Variants in FEZF2 observed in about 807,000 individuals in gnomAD.
FEZF2 encodes FEZ family zinc finger 2, also known as fez family zinc finger protein 2.
A neutral mutation model predicts 32.8 loss-of-function variants in FEZF2; 2 were observed. The ratio of observed to expected loss-of-function variants is 0.06; its 90% CI spans 0.02 to 0.19. The LOEUF is 0.19. Ranked by LOEUF, FEZF2 falls within the 10% of genes least tolerant of loss-of-function variation. FEZF2 has a pLI of 1.00. For synonymous variants in FEZF2, 322 were observed against 284.8 expected (o/e 1.13, Z -1.32); for missense variants, 516 against 625.4 (o/e 0.83, Z 1.87).
At position 62,369,830 on chromosome 3, in the gene FEZF2, C is replaced by T. The variant is rs969980269; in HGVS notation, c.*253G>A. ...TTAAAACTGGCTGCCCCAGGAGAAG[C>T]GGAGGCCTGGAATTAAATACGTTTC... On this transcript the variant is annotated 3_prime_UTR_variant, in exon 5 of 5. Coordinates refer to ENST00000283268, the MANE Select transcript of FEZF2 (RefSeq NM_018008.4). This position sits in a 1 kb window ranked among gnomAD's most constrained non-coding sequence, Gnocchi z 4.2. The T allele has an allele frequency of 8.9e-6, 4 of 451,276 alleles. No individual in the cohort carries two copies. In the South Asian group the frequency reaches 9.4e-5, roughly 11 times the overall value. The allele number at this position is 451,276 out of a possible 1,614,324, so 28.0% of individuals were successfully genotyped here.
chr3:62,371,778 G>A, intron 2 of FEZF2, 111 bp from the exon 3 acceptor site: 2 of 1,489,370 alleles, frequency 1.3e-6, no homozygotes, highest in Non-Finnish European at 1.8e-6. Flanking sequence ...AGAAACCAGA[G>A]CCTTTTTCAG....
rs976842135 is a variant in FEZF2 at position 62,372,094 on chromosome 3, C to T, written c.775G>A (p.Val259Ile). Residue 259 changes from valine to isoleucine, a missense_variant, in exon 2 of 5, where the codon GTC becomes ATC. This residue lies in a region of FEZF2 where 408 missense variants were observed against 382.2 expected (regional missense o/e 1.07). Coordinates refer to ENST00000283268, the MANE Select transcript of FEZF2 (RefSeq NM_018008.4). The surrounding 1 kb of genome is among the most constrained non-coding windows in gnomAD (Gnocchi z 9.6). ...CCTGGCAGCTTGCTGTGGCCCTTGA[C>T]GCCTCCGCGCTCGGCAGTCAGGGCC... ...NSALTAERGG[V>I]KGHSKLPGGS... The T allele has an allele frequency of 1.9e-6, 3 of 1,606,688 alleles. No homozygotes were observed. Among genetic ancestry groups the T allele is most frequent in the Non-Finnish European group, 8.5e-7 (1 of 1,177,332 alleles).
At position 62,372,637 on chromosome 3, in the gene FEZF2, G is replaced by C. The variant is rs1339457317; in HGVS notation, c.232C>G (p.Pro78Ala). 6.3e-7 allele frequency: 1 copy of C among 1,587,590 alleles called. No individual in the cohort carries two copies. The highest frequency in any genetic ancestry group is 1.7e-5 in the Admixed American group (1 of 57,698). The change falls in exon 2 of 5, where the codon CCC becomes GCC. Residue 78 changes from proline to alanine, a missense_variant. Pro to Ala is a conservative substitution (Grantham distance 27). This residue lies in a region of FEZF2 where 408 missense variants were observed against 382.2 expected (regional missense o/e 1.07). Transcript: ENST00000283268. This position sits in a 1 kb window ranked among gnomAD's most constrained non-coding sequence, Gnocchi z 9.6. ...TTTGACGGCACCTCGTAGCCTAGGGGCTGGAGGGGGATCATACAGGGCAGC... is the reference window on the plus strand; with the variant it reads ...TTTGACGGCACCTCGTAGCCTAGGGCCTGGAGGGGGATCATACAGGGCAGC... ...SPLPCMIPLQ[P>A]LGYEVPSKTL...
chr3:62,371,993 C>T, intron 2 of FEZF2, 24 bp downstream of exon 2: 3 of 1,595,244 alleles, frequency 1.9e-6, no homozygotes, highest in East Asian at 2.2e-5. Context: ...CTCCCGGCCC[C>T]CCTCGCCGAA....
At position 62,372,568 on chromosome 3, in the gene FEZF2, C is replaced by T. The variant is rs755435013; in HGVS notation, c.301G>A (p.Ala101Thr). 4 of 1,392,402 alleles carry T rather than the reference C, an allele frequency of 2.9e-6. No homozygotes were observed. The South Asian group carries it at 9.0e-5, about 31-fold the overall frequency. The allele number at this position is 1,392,402 out of a possible 1,614,324, so 86.3% of individuals were successfully genotyped here. A position where few individuals can be genotyped will look rare whatever the true frequency, so the allele number is the denominator to read the frequency against. ...YSELWKSSLR[A>T]GGGGGGGGGG... The stretch of plus-strand genomic sequence containing the variant: ...CCGCCGCCGCCTCCGCCGCCGCCCG[C>T]CCGGAGGCTGCTTTTCCAGAGCTCC... Residue 101 changes from alanine (A) to threonine (T), a missense_variant, in exon 2 of 5, where the codon GCG (alanine) becomes ACG (threonine). By Grantham distance (58) the Ala-to-Thr change is moderately conservative (BLOSUM62 0). Transcript: ENST00000283268. The surrounding 1 kb of genome is among the most constrained non-coding windows in gnomAD (Gnocchi z 9.6).
rs368783661 is a variant in FEZF2 at position 62,372,332 on chromosome 3, C to A, written c.537G>T (p.Ala179=). Residue 179 remains alanine, a synonymous_variant, in exon 2 of 5, where the codon GCG becomes GCT. Transcript: ENST00000283268. This position sits in a 1 kb window ranked among gnomAD's most constrained non-coding sequence, Gnocchi z 9.6. ...LYYFNYLDST[A]YPPSELLSGH... ...CGCTGAGGAGCTCAGACGGCGGGTA[C>A]GCGGTCGAGTCCAGGTAGTTGAAGT... The A allele has an allele frequency of 6.3e-5, 101 of 1,609,892 alleles. No homozygotes were observed. Among genetic ancestry groups the A allele is most frequent in the Non-Finnish European group, 8.0e-5 (94 of 1,179,432 alleles).
In FEZF2 at chr3:62,370,536, G is replaced by C. The variant is rs953303146; in HGVS notation, c.1121-194C>G. Among the ~76,000 whole-genome samples the C allele has an allele frequency of 2.0e-5, 3 of 152,196 alleles. No homozygotes were observed. The highest frequency in any genetic ancestry group is 4.4e-5 in the Non-Finnish European group (3 of 68,038). On this transcript the variant is annotated intron_variant, in intron 4 of 4. Coordinates refer to ENST00000283268, the MANE Select transcript of FEZF2 (RefSeq NM_018008.4). This position sits in a 1 kb window ranked among gnomAD's most constrained non-coding sequence, Gnocchi z 4.2. ...CCGGGTGCTCTCCCGACAAGACCGA[G>C]ACTGAGTCCCGCGGAGCCGCTCTGC...
Position 62,369,938 on chromosome 3 carries a change from G to T in FEZF2, c.*145C>A. On this transcript the variant is annotated 3_prime_UTR_variant, in exon 5 of 5. Transcript: ENST00000283268. This position sits in a 1 kb window ranked among gnomAD's most constrained non-coding sequence, Gnocchi z 4.2. ...CTGCCAGTCATCGAGGAAACATTTA[G>T]CTTTCCAAAAATATGCTGGTTTCGA... 9.5e-7 allele frequency: 1 copy of T among 1,058,086 alleles called. No individual in the cohort carries two copies. The highest frequency in any genetic ancestry group is 1.3e-6 in the Non-Finnish European group (1 of 765,220). 65.5% of individuals were successfully genotyped at this position (1,058,086 alleles called of 1,614,324 possible). A position where few individuals can be genotyped will look rare whatever the true frequency, so the allele number is the denominator to read the frequency against.
Position 62,369,906 on chromosome 3 carries a change from G to A in FEZF2, c.*177C>T, listed in dbSNP as rs557247228. ...CTGAATATACAAAGGTGGGGGCCAC[G>A]AGTTTGCTGCCAGTCATCGAGGAAA... On this transcript the variant is annotated 3_prime_UTR_variant, in exon 5 of 5. Transcript: ENST00000283268. The surrounding 1 kb of genome is among the most constrained non-coding windows in gnomAD (Gnocchi z 4.2). The A allele has an allele frequency of 1.8e-5, 13 of 712,090 alleles. No homozygotes were observed. The highest frequency in any genetic ancestry group is 2.3e-5 in the South Asian group (1 of 42,562). The allele number at this position is 712,090 out of a possible 1,614,324, so 44.1% of individuals were successfully genotyped here.
chr3:62,373,241 C>A lies in FEZF2; in HGVS notation c.-59+38G>T. 1 of 221,682 alleles carries A rather than the reference C, an allele frequency of 4.5e-6. No homozygotes were observed. Among genetic ancestry groups the A allele is most frequent in the Non-Finnish European group, 8.8e-6 (1 of 113,602 alleles). 13.7% of individuals were successfully genotyped at this position (221,682 alleles called of 1,614,324 possible). ...TGCTGGGAGCTGGACAGTGAAGGGG[C>A]AAAGTTAAAGAGGACCGGAGAGCCA... On this transcript the variant is annotated intron_variant, in intron 1 of 4. Transcript: ENST00000283268. This position sits in a 1 kb window ranked among gnomAD's most constrained non-coding sequence, Gnocchi z 5.5.
chr3:62,371,706 C>A (rs769355855), intron 2 of FEZF2, 39 bp from the exon 3 acceptor site: 2 of 1,582,080 alleles, frequency 1.3e-6, no homozygotes, highest in Middle Eastern at 1.7e-4. Context: ...TGCGTCTGTC[C>A]GAGGGCCTAC....
chr3:62,371,593 G>T lies in FEZF2; in HGVS notation c.927C>A (p.Val309=). Residue 309 remains valine, a synonymous_variant, in exon 3 of 5, where the codon GTC becomes GTA. Transcript: ENST00000283268. ...HTGARPFVCK[V]CGKGFRQAST... ...TGGCCTGGCGAAAGCCTTTGCCGCA[G>T]ACTTTGCACACGAACGGTCTGGCTC... 1 of 1,614,232 alleles carries T rather than the reference G, an allele frequency of 6.2e-7. No individual in the cohort carries two copies. Among genetic ancestry groups the T allele is most frequent in the Non-Finnish European group, 8.5e-7 (1 of 1,180,042 alleles).
chr3:62,371,448 T>A (rs1704267788), intron 3 of FEZF2, 85 bp downstream of exon 3: 1 of 1,577,324 alleles, frequency 6.3e-7, no homozygotes, highest in African/African-American at 1.3e-5. Context: ...GGGTAAGGGA[T>A]AATCTTTGGC....
rs1035511989 is a variant in FEZF2, at chr3:62,369,745, T to C, written c.*338A>G. 6.4e-5 allele frequency: 18 copies of C among 279,436 alleles called. No homozygotes were observed. The highest frequency in any genetic ancestry group is 3.5e-4 in the African/African-American group (16 of 46,070). The allele number at this position is 279,436 out of a possible 1,614,324, so 17.3% of individuals were successfully genotyped here. On this transcript the variant is annotated 3_prime_UTR_variant, in exon 5 of 5. Transcript: ENST00000283268. The surrounding 1 kb of genome is among the most constrained non-coding windows in gnomAD (Gnocchi z 4.2). ...GCTTGTACAGGAGGATTTACATGGCTGTATAAAGATGGCTAGGGGCGCCGC... is the reference window on the plus strand; with the variant it reads ...GCTTGTACAGGAGGATTTACATGGCCGTATAAAGATGGCTAGGGGCGCCGC...
Position 62,372,530 on chromosome 3 carries a change from G to T in FEZF2, c.339C>A (p.Gly113=), listed in dbSNP as rs1559837368. The T allele has an allele frequency of 1.5e-6, 2 of 1,303,860 alleles. No individual in the cohort carries two copies. The highest frequency in any genetic ancestry group is 1.9e-6 in the Non-Finnish European group (2 of 1,027,122). 80.8% of individuals were successfully genotyped at this position (1,303,860 alleles called of 1,614,324 possible). The change falls in exon 2 of 5, where the codon GGC becomes GGA. Residue 113 remains glycine (G), a synonymous_variant. Transcript: ENST00000283268. The surrounding 1 kb of genome is among the most constrained non-coding windows in gnomAD (Gnocchi z 9.6). ...CGCACACTGGGGCCCCCCCGCCGCC[G>T]CCGCCGCCACCGCCGCCGCCGCCTC... ...GGGGGGGGGG[G]GGGGAPVCGA...
chr3:62,371,489 C>T, intron 3 of FEZF2, 44 bp downstream of exon 3: 1 of 1,591,122 alleles, frequency 6.3e-7, no homozygotes, highest in South Asian at 1.2e-5. Context: ...CACTAAGATT[C>T]TGGGGGTTGC....
Position 62,372,987 on chromosome 3 carries a change from G to C in FEZF2, c.-58-61C>G. The C allele has an allele frequency of 4.9e-6, 5 of 1,025,976 alleles. No individual in the cohort carries two copies. The highest frequency in any genetic ancestry group is 6.5e-6 in the Non-Finnish European group (5 of 774,800). The allele number at this position is 1,025,976 out of a possible 1,614,324, so 63.6% of individuals were successfully genotyped here. A position where few individuals can be genotyped will look rare whatever the true frequency, so the allele number is the denominator to read the frequency against. On this transcript the variant is annotated intron_variant, in intron 1 of 4. Transcript: ENST00000283268. The surrounding 1 kb of genome is among the most constrained non-coding windows in gnomAD (Gnocchi z 9.6). ...TTTAATAAGCACCTAGTCGGGCCCG[G>C]GTCACCCATTTGCATTCAAATGAAC...
chr3:62,371,258 G>A lies in FEZF2; in HGVS notation c.1079C>T (p.Pro360Leu). ...THIRIHAGYKPFVCEFCGKGF... is the reference protein window; with the variant it reads ...THIRIHAGYKLFVCEFCGKGF... ...TTTGCCGCAAAATTCGCAGACGAAG[G>A]GCTTGTAGCCCGCGTGGATGCGGAT... Residue 360 changes from proline to leucine, a missense_variant, in exon 4 of 5, where the codon CCC becomes CTC. Pro to Leu is a moderately conservative substitution (Grantham distance 98). Coordinates refer to ENST00000283268, the MANE Select transcript of FEZF2 (RefSeq NM_018008.4). 1 of 1,614,246 alleles carries A rather than the reference G, an allele frequency of 6.2e-7. No individual in the cohort carries two copies. The highest frequency in any genetic ancestry group is 8.5e-7 in the Non-Finnish European group (1 of 1,180,050).
chr3:62,372,803 C>T lies in FEZF2; in HGVS notation c.66G>A (p.Pro22=). The change falls in exon 2 of 5, where the codon CCG becomes CCA. Residue 22 remains proline (P), a synonymous_variant. Coordinates refer to ENST00000283268, the MANE Select transcript of FEZF2 (RefSeq NM_018008.4). This position sits in a 1 kb window ranked among gnomAD's most constrained non-coding sequence, Gnocchi z 9.6. Reference sequence around the variant, plus strand: ...AAAAGGCCAGTGTCTTGGAAGTGGCCGGCGACGCTCCGGCGCGCGGGCAGG... The same window carrying T: ...AAAAGGCCAGTGTCTTGGAAGTGGCTGGCGACGCTCCGGCGCGCGGGCAGG... The part of the protein sequence containing the change: ...PPACPRAGAS[P]ATSKTLAFSI... 1 of 1,551,842 alleles carries T rather than the reference C, an allele frequency of 6.4e-7. No individual in the cohort carries two copies. Among genetic ancestry groups the T allele is most frequent in the Non-Finnish European group, 8.7e-7 (1 of 1,145,700 alleles).
Sources: gnomAD v4.1 joint callset for allele counts (sites outside exome capture counted in the v4.1 genomes callset) on GRCh38, gnomAD v4.1.1 for gene constraint, gnomAD v4.1.1 regional missense constraint, Gnocchi (gnomAD v3.1) non-coding constraint, MANE v1.5 for transcripts, NCBI Gene and HGNC (gene_info 2026-07-23, HGNC 2026-07-21) for gene names.